ALKBH3: variants seen among roughly 807,000 people sequenced by gnomAD.
ALKBH3 encodes the protein alpha-ketoglutarate-dependent dioxygenase alkB homolog 3.
A neutral mutation model predicts 43.9 loss-of-function variants in ALKBH3; 51 were observed. That is an observed-to-expected ratio of 1.16 (90% confidence interval 0.93 to 1.47). ALKBH3 has a LOEUF of 1.47. Ranked by LOEUF, ALKBH3 falls within the 40% of genes most tolerant of loss-of-function variation. The probability of loss-of-function intolerance (pLI) is 0.00; values close to 1 mark genes in which losing one functional copy is unlikely to be tolerated. For missense variants in ALKBH3, 361 were observed against 351.9 expected (o/e 1.03, Z -0.21); for synonymous variants, 102 against 115.2 (o/e 0.89, Z 0.73).
chr11:43,897,927 C>T (rs1013035405), intron 7 of ALKBH3: 21 of 782,330 alleles, frequency 2.7e-5, no homozygotes, highest in Middle Eastern at 2.3e-4. Context: ...TTATTGAATA[C>T]TACCTTCGCC....
At position 43,892,036 on chromosome 11, in the gene ALKBH3, CT is replaced by C. The variant is rs764037018; in HGVS notation, c.371-3del. 16 of 1,607,558 alleles carry C rather than the reference CT, an allele frequency of 1.0e-5. No individual in the cohort carries two copies. The South Asian group carries it at 1.8e-4, about 18-fold the overall frequency. On this transcript the variant is annotated splice_region_variant and splice_polypyrimidine_tract_variant and intron_variant, in intron 6 of 9. Coordinates refer to ENST00000302708, the MANE Select transcript of ALKBH3 (RefSeq NM_139178.4). ...CATTTCAAAGGCCTGTATTTTCTTT[CT>C]TAGATATAACTTATCAGCAACCAAG...
chr11:43,885,955 C>T (rs556777580), intron 4 of ALKBH3, among the ~76,000 whole-genome samples: 4 of 152,200 alleles, frequency 2.6e-5, no homozygotes, highest in South Asian at 2.1e-4. Flanking sequence ...TTCCACTGGA[C>T]CAAAGCTGGA....
At chr11:43,898,320 C>T (rs1951834678) in intron 7 of ALKBH3, 1 of 720,182 alleles carries the variant, frequency 1.4e-6, no homozygotes, top group Admixed American at 2.0e-5. Context: ...CCAGAGAGAT[C>T]ATTTGTCAAT....
Position 43,901,639 on chromosome 11 carries a change from G to A in ALKBH3, c.583G>A (p.Glu195Lys), listed in dbSNP as rs1415976002. 16 of 1,614,122 alleles carry A rather than the reference G, an allele frequency of 9.9e-6. No homozygotes were observed. The African/African-American group carries it at 2.0e-4, about 20-fold the overall frequency. Residue 195 changes from glutamate to lysine, a missense_variant, in exon 8 of 10, where the codon GAA becomes AAA. Transcript: ENST00000302708. ...CAGCGTGGACTGGCACAGTGATGAT[G>A]AACCCTCACTAGGGAGGTGCCCCAT... ...KDSVDWHSDD[E>K]PSLGRCPIIA...
In ALKBH3 at chr11:43,881,196, T is replaced by C. The variant is rs1951708503; in HGVS notation, c.-71+17T>C. ...CTCAGAAAGGTGAAGTCATTTGCCATGGGCCATGCAGCTGGGAAGTGACAG... is the reference window on the plus strand; with the variant it reads ...CTCAGAAAGGTGAAGTCATTTGCCACGGGCCATGCAGCTGGGAAGTGACAG... On this transcript the variant is annotated intron_variant, in intron 1 of 9. Transcript: ENST00000302708. 6.6e-6 allele frequency: 1 copy of C among 152,366 alleles called. No individual in the cohort carries two copies. Among genetic ancestry groups the C allele is most frequent in the African/African-American group, 2.4e-5 (1 of 41,464 alleles). 9.4% of individuals were successfully genotyped at this position (152,366 alleles called of 1,614,324 possible).
At chr11:43,894,768 A>C (rs1383674122) in intron 7 of ALKBH3, among the ~76,000 whole-genome samples, 1 of 152,226 alleles carries the variant, frequency 6.6e-6, no homozygotes, top group African/African-American at 2.4e-5. Flanking sequence ...GTAAATAGGA[A>C]ATACAGCCTG....
Position 43,920,185 on chromosome 11 carries a change from G to C in ALKBH3, c.*175G>C, listed in dbSNP as rs1223722009. ...AAGCCAGCAACTCATGTTGGTAATA[G>C]GTCTACTGTGGGAACAGTTATCCCT... On this transcript the variant is annotated 3_prime_UTR_variant, in exon 10 of 10. Coordinates refer to ENST00000302708, the MANE Select transcript of ALKBH3 (RefSeq NM_139178.4). 3 of 594,016 alleles carry C rather than the reference G, an allele frequency of 5.1e-6. No individual in the cohort carries two copies. In the Admixed American group the frequency reaches 9.0e-5, roughly 18 times the overall value. 36.8% of individuals were successfully genotyped at this position (594,016 alleles called of 1,614,324 possible).
chr11:43,908,348 T>A (rs1328195943), intron 8 of ALKBH3, among the ~76,000 whole-genome samples: 2 of 152,156 alleles, frequency 1.3e-5, no homozygotes, highest in African/African-American at 4.8e-5. Flanking sequence ...TTGTGTCTGA[T>A]CAGATTATGT....
chr11:43,891,226 C>T (rs535540406), intron 6 of ALKBH3, among the ~76,000 whole-genome samples: 5 of 152,304 alleles, frequency 3.3e-5, no homozygotes, highest in African/African-American at 1.2e-4. Context: ...CTTTTGGTGA[C>T]AGACATGGCT....
intron 8 of ALKBH3, among the ~76,000 whole-genome samples, chr11:43,902,823 C>G (rs1000432239): frequency 8.5e-5 from 13 of 152,216 alleles, no homozygotes; most frequent in South Asian, 4.1e-4. Context: ...TCTCAAACTC[C>G]TGACCTCAGG....
intron 7 of ALKBH3, chr11:43,898,112 C>A: frequency 9.0e-7 from 1 of 1,114,726 alleles, no homozygotes; most frequent in Non-Finnish European, 1.4e-6. Context: ...CCCAGTGCAC[C>A]TGAGCCCGTG....
chr11:43,914,839 A>G (rs1951970539), intron 8 of ALKBH3, among the ~76,000 whole-genome samples: 1 of 152,154 alleles, frequency 6.6e-6, no homozygotes, highest in Non-Finnish European at 1.5e-5. Context: ...CCCATAGAAC[A>G]ATGGACAAAG....
chr11:43,918,296 G>A (rs1951999618), intron 8 of ALKBH3, among the ~76,000 whole-genome samples: 1 of 152,192 alleles, frequency 6.6e-6, no homozygotes, highest in African/African-American at 2.4e-5. Flanking sequence ...GAGAATATTG[G>A]ACATAAATTG....
intron 7 of ALKBH3, chr11:43,897,860 C>T (rs541641752): frequency 1.0e-5 from 8 of 793,796 alleles, no homozygotes; most frequent in South Asian, 6.7e-5. Flanking sequence ...TTGAAAGTAC[C>T]ATGGAAAAAA....
chr11:43,919,843 A>G, intron 9 of ALKBH3, 75 bp from the exon 10 acceptor site: 1 of 1,321,102 alleles, frequency 7.6e-7, no homozygotes, highest in Non-Finnish European at 1.1e-6. Flanking sequence ...ATTCTCATGA[A>G]TAAGTTTTAA....
chr11:43,898,488 C>T lies in ALKBH3; in HGVS notation c.460-3028C>T, dbSNP rs140930333. On this transcript the variant is annotated intron_variant, in intron 7 of 9. Transcript: ENST00000302708. ...GGCTGGGGCAGATGGACACCAACGG[C>T]TTGGTGAGAGCACTCGGGGAGGAAG... 1.8e-3 allele frequency: 1,701 copies of T among 954,182 alleles called. 15 individuals carry two copies. Among genetic ancestry groups the T allele is most frequent in the South Asian group, 8.7e-3 (670 of 76,612 alleles). The allele number at this position is 954,182 out of a possible 1,614,324, so 59.1% of individuals were successfully genotyped here. A position where few individuals can be genotyped will look rare whatever the true frequency, so the allele number is the denominator to read the frequency against.
chr11:43,892,609 C>G (rs1951792094), intron 7 of ALKBH3, among the ~76,000 whole-genome samples: 3 of 152,182 alleles, frequency 2.0e-5, no homozygotes, highest in African/African-American at 7.2e-5. Context: ...TGGCTTGTTT[C>G]TGCTGCTGCT....
intron 8 of ALKBH3, among the ~76,000 whole-genome samples, chr11:43,914,142 A>G (rs1590381741): frequency 6.6e-6 from 1 of 152,286 alleles, no homozygotes; most frequent in East Asian, 1.9e-4. Context: ...AGGACAGGAA[A>G]TATTAGGATT....
intron 7 of ALKBH3, among the ~76,000 whole-genome samples, chr11:43,895,761 C>A (rs1273221523): frequency 6.6e-6 from 1 of 152,212 alleles, no homozygotes; most frequent in Non-Finnish European, 1.5e-5. Context: ...AGCACCTTAG[C>A]ATGAATCAAG....
Sources: allele counts gnomAD v4.1 joint callset (sites outside exome capture counted in the v4.1 genomes callset), GRCh38; gene constraint gnomAD v4.1.1; transcripts MANE v1.5; gene names NCBI Gene and HGNC (gene_info 2026-07-23, HGNC 2026-07-21).